The following FBXW8 variants were observed in gnomAD, a reference collection of about 807,000 sequenced individuals.
The protein encoded by FBXW8 is F-box and WD repeat domain containing 8.
In FBXW8, 57 loss-of-function variants were observed where a neutral mutation model predicts 65.3. The ratio of observed to expected loss-of-function variants is 0.87; its 90% CI spans 0.71 to 1.09. The LOEUF (loss-of-function observed/expected upper bound fraction) is 1.09, where lower values mean the gene tolerates loss of function less well. Ranked by LOEUF, FBXW8 falls within the 50% of genes least tolerant of loss-of-function variation. The pLI, the probability that FBXW8 is intolerant of heterozygous loss-of-function variation, is 0.00. For synonymous variants in FBXW8, 308 were observed against 330.2 expected (o/e 0.93, Z 0.73); for missense variants, 777 against 814.8 (o/e 0.95, Z 0.57).
chr12:116,985,805 T>C (rs1885639040), intron 6 of FBXW8: 1 of 158,348 alleles, frequency 6.3e-6, no homozygotes, highest in Non-Finnish European at 1.4e-5. Context: ...TCCCAGTCCA[T>C]CTGGGAAGGA....
intron 2 of FBXW8, among the ~76,000 whole-genome samples, chr12:116,930,142 A>G (rs986116373): frequency 1.2e-4 from 19 of 152,332 alleles, no homozygotes; most frequent in Admixed American, 2.6e-4. Flanking sequence ...CTGGCAGTAC[A>G]GAGATCACTT....
At chr12:116,924,340 G>A (rs138390667) in intron 1 of FBXW8, among the ~76,000 whole-genome samples, 3 of 151,966 alleles carry the variant, frequency 2.0e-5, no homozygotes, top group East Asian at 1.9e-4. Flanking sequence ...TATGGGGCAC[G>A]GTGTCATATA....
At chr12:117,025,688 CCT>C (rs1406074766) in intron 9 of FBXW8, among the ~76,000 whole-genome samples, 1 of 152,160 alleles carries the variant, frequency 6.6e-6, no homozygotes, top group Non-Finnish European at 1.5e-5. Flanking sequence ...GCGCCTCGGC[CCT>C]TTTTCTGAAT....
chr12:117,014,456 A>AGG (rs1316571790), intron 8 of FBXW8, among the ~76,000 whole-genome samples: 33 of 152,208 alleles, frequency 2.2e-4, no homozygotes, highest in African/African-American at 7.5e-4. Context: ...CCCTTAAGAA[A>AGG]GGGTCACATT....
At position 116,936,402 on chromosome 12, in the gene FBXW8, A is replaced by G. The variant is rs1882161612; in HGVS notation, c.423+8275A>G. Among the ~76,000 whole-genome samples, 1 of 152,208 alleles carries G rather than the reference A, an allele frequency of 6.6e-6. No homozygotes were observed. Among genetic ancestry groups the G allele is most frequent in the Admixed American group, 6.5e-5 (1 of 15,282 alleles). ...GAATCCCACCAGTATGTTACCTTTCATGATAAAACGCCCTTTGCCGATGTG... is the reference window on the plus strand; with the variant it reads ...GAATCCCACCAGTATGTTACCTTTCGTGATAAAACGCCCTTTGCCGATGTG... On this transcript the variant is annotated intron_variant, in intron 2 of 10. Coordinates refer to ENST00000652555, the MANE Select transcript of FBXW8 (RefSeq NM_153348.3). This position sits in a 1 kb window ranked among gnomAD's most constrained non-coding sequence, Gnocchi z 4.6.
intron 7 of FBXW8, among the ~76,000 whole-genome samples, chr12:117,001,751 A>AGTC (rs543704129): frequency 2.2e-4 from 33 of 152,322 alleles, no homozygotes; most frequent in Admixed American, 5.9e-4. Flanking sequence ...GCTCCCAGTC[A>AGTC]GTCATACATT....
chr12:116,919,941 TAAACAC>T (rs1343900753), intron 1 of FBXW8, among the ~76,000 whole-genome samples: 1 of 152,240 alleles, frequency 6.6e-6, no homozygotes, highest in Non-Finnish European at 1.5e-5. Context: ...GTTTTTAAGT[TAAACAC>T]AAATAAGTAA....
chr12:117,024,215 C>T lies in FBXW8; in HGVS notation c.1436C>T (p.Ser479Phe), dbSNP rs866731001. 1.2e-6 allele frequency: 2 copies of T among 1,614,210 alleles called. No homozygotes were observed. Among genetic ancestry groups the T allele is most frequent in the Non-Finnish European group, 1.7e-6 (2 of 1,180,042 alleles). The change falls in exon 9 of 11, where the codon TCT becomes TTT. Residue 479 changes from serine (S) to phenylalanine (F), a missense_variant. By Grantham distance (155) the Ser-to-Phe change is radical. Transcript: ENST00000652555. ...CTCTCCGCCCATCAGCTCAGGGTCT[C>T]TGCTGTGCAGATGGATGACTGGAAG... ...LSLSAHQLRV[S>F]AVQMDDWKIV... is the part of the protein sequence containing the mutation.
chr12:117,022,629 T>G (rs930535156), intron 8 of FBXW8, among the ~76,000 whole-genome samples: 2 of 152,186 alleles, frequency 1.3e-5, no homozygotes, highest in Non-Finnish European at 2.9e-5. Context: ...CACTCCAGCC[T>G]GGGTGATGGG....
chr12:116,918,709 C>G (rs1225388632), intron 1 of FBXW8, among the ~76,000 whole-genome samples: 1 of 152,170 alleles, frequency 6.6e-6, no homozygotes, highest in Non-Finnish European at 1.5e-5. Context: ...AATCCATTGC[C>G]CATTCCTGAA....
At position 117,030,819 on chromosome 12, in the gene FBXW8, C is replaced by A. The variant is rs1954341791; in HGVS notation, c.*2647C>A. The A allele has an allele frequency of 6.6e-6, 1 of 152,234 alleles. No homozygotes were observed. The highest frequency in any genetic ancestry group is 1.5e-5 in the Non-Finnish European group (1 of 68,048). 9.4% of individuals were successfully genotyped at this position (152,234 alleles called of 1,614,324 possible). A position where few individuals can be genotyped will look rare whatever the true frequency, so the allele number is the denominator to read the frequency against. On this transcript the variant is annotated 3_prime_UTR_variant, in exon 11 of 11. Transcript: ENST00000652555. ...TGTTTTCTACTGCAAACCTCCACAT[C>A]CTGGAATCAATCACACTGACAGGGA...
chr12:116,919,318 G>A (rs769694191), intron 1 of FBXW8, among the ~76,000 whole-genome samples: 3 of 152,156 alleles, frequency 2.0e-5, no homozygotes, highest in Admixed American at 6.5e-5. Context: ...ATGGGGCTGG[G>A]CTCTGCAGTC....
At chr12:117,008,708 G>A (rs186109637) in intron 7 of FBXW8, among the ~76,000 whole-genome samples, 37 of 152,270 alleles carry the variant, frequency 2.4e-4, no homozygotes, top group African/African-American at 7.9e-4. Flanking sequence ...AATCTGTATC[G>A]TGGTAAGTGA....
intron 10 of FBXW8, among the ~76,000 whole-genome samples, 184 bp from the exon 11 acceptor site, chr12:117,027,844 G>A (rs1022175363): frequency 2.6e-5 from 4 of 152,248 alleles, no homozygotes; most frequent in African/African-American, 9.6e-5. Context: ...TCGGACTTGT[G>A]CACCCCCACG....
chr12:117,020,742 T>TG (rs749730414), intron 8 of FBXW8, among the ~76,000 whole-genome samples: 2 of 152,246 alleles, frequency 1.3e-5, no homozygotes, highest in Non-Finnish European at 2.9e-5. Context: ...GCCTGGCGCT[T>TG]GCCAGCAGCC....
At chr12:117,025,920 TC>T (rs762490065) in intron 9 of FBXW8, among the ~76,000 whole-genome samples, 7 of 152,164 alleles carry the variant, frequency 4.6e-5, no homozygotes, top group Non-Finnish European at 1.0e-4. Flanking sequence ...AGGAAGGCCT[TC>T]CCCAGAGGTG....
intron 8 of FBXW8, among the ~76,000 whole-genome samples, chr12:117,011,482 C>T (rs1336576114): frequency 6.6e-6 from 1 of 152,138 alleles, no homozygotes; most frequent in Non-Finnish European, 1.5e-5. Context: ...GGCTGATGTT[C>T]CGGTGCTTGA....
At chr12:116,948,726 A>G (rs1275051350) in intron 3 of FBXW8, 2 of 152,060 alleles carry the variant, frequency 1.3e-5, no homozygotes, top group Non-Finnish European at 2.9e-5. Context: ...CTTTATGTGC[A>G]TTCAGATTCC....
chr12:116,912,720 C>T (rs1880089756), intron 1 of FBXW8, among the ~76,000 whole-genome samples: 1 of 152,176 alleles, frequency 6.6e-6, no homozygotes, highest in Admixed American at 6.5e-5. Flanking sequence ...GCCTCGGCCT[C>T]CCTAAGTGCT....
Sources: allele counts gnomAD v4.1 joint callset (sites outside exome capture counted in the v4.1 genomes callset), GRCh38; gene constraint gnomAD v4.1.1; non-coding constraint Gnocchi (gnomAD v3.1); transcripts MANE v1.5; gene names NCBI Gene and HGNC (gene_info 2026-07-23, HGNC 2026-07-21).